ZNF33A: variants seen among roughly 807,000 people sequenced by gnomAD.
ZNF33A encodes the protein zinc finger protein 33A, also known as brain my041 protein.
A neutral mutation model predicts 15.9 loss-of-function variants in ZNF33A; 9 were observed. The observed-to-expected ratio is 0.57, with a 90% CI of 0.34 to 0.99. The LOEUF (loss-of-function observed/expected upper bound fraction) is 0.99, where lower values mean the gene tolerates loss of function less well. Ranked by LOEUF, ZNF33A falls within the 50% of genes least tolerant of loss-of-function variation. The pLI, the probability that ZNF33A is intolerant of heterozygous loss-of-function variation, is 0.02. For synonymous variants in ZNF33A, 294 were observed against 324.2 expected, an observed-to-expected ratio of 0.91 and a Z score of 1.00; for missense variants, 843 against 941.6, an observed-to-expected ratio of 0.90 and a Z score of 1.37.
Position 38,057,716 on chromosome 10 carries a change from T to C in ZNF33A, c.*1156T>C. The C allele has an allele frequency of 1.0e-6, 1 of 985,474 alleles. No homozygotes were observed. The highest frequency in any genetic ancestry group is 1.7e-5 in the African/African-American group (1 of 57,372). The allele number at this position is 985,474 out of a possible 1,614,324, so 61.0% of individuals were successfully genotyped here. ...CCTTTCTCTTCCTACCTGTGGCTCA[T>C]GCCATGCCATGAAGTGCCTAGGGTA... On this transcript the variant is annotated 3_prime_UTR_variant, in exon 5 of 5. Transcript: ENST00000432900.
chr10:38,011,034 T>C (rs1159345634), intron 1 of ZNF33A, among the ~76,000 whole-genome samples: 1 of 152,036 alleles, frequency 6.6e-6, no homozygotes, highest in Non-Finnish European at 1.5e-5. Context: ...GCATGTGCGC[T>C]TGCGCAGTCC....
At chr10:38,031,592 A>G (rs975137439) in intron 4 of ZNF33A, among the ~76,000 whole-genome samples, 1 of 151,854 alleles carries the variant, frequency 6.6e-6, no homozygotes, top group Middle Eastern at 3.4e-3. Context: ...GAAAAGAAAA[A>G]AAAAAAAAGA....
At chr10:38,013,310 C>T (rs1392762836) in intron 2 of ZNF33A, among the ~76,000 whole-genome samples, 3 of 151,838 alleles carry the variant, frequency 2.0e-5, no homozygotes, top group Non-Finnish European at 2.9e-5. Context: ...GGGGTTTTAC[C>T]GTGTTGGCCA....
chr10:38,055,191 C>G lies in ZNF33A; in HGVS notation c.1067C>G (p.Pro356Arg). 6.2e-7 allele frequency: 1 copy of G among 1,614,064 alleles called. No individual in the cohort carries two copies. The highest frequency in any genetic ancestry group is 1.3e-5 in the African/African-American group (1 of 75,026). Reference protein sequence around the residue: ...RHQRVHTGQKPFQCNECEKAF... With the variant: ...RHQRVHTGQKRFQCNECEKAF... ...CAGAGGGTGCACACAGGACAGAAAC[C>G]CTTTCAATGTAATGAATGTGAAAAA... The change falls in exon 5 of 5, where the codon CCC becomes CGC. Residue 356 changes from proline to arginine, a missense_variant. Coordinates refer to ENST00000432900, the MANE Select transcript of ZNF33A (RefSeq NM_006954.2).
chr10:38,022,297 A>G (rs1258923768), intron 4 of ZNF33A, among the ~76,000 whole-genome samples: 1 of 152,182 alleles, frequency 6.6e-6, no homozygotes, highest in Non-Finnish European at 1.5e-5. Context: ...GAAACAGGGA[A>G]TATCACTCCA....
In ZNF33A at chr10:38,012,321, T is replaced by C. The variant is rs2064221798; in HGVS notation, c.-21T>C. 1 of 1,613,330 alleles carries C rather than the reference T, an allele frequency of 6.2e-7. No homozygotes were observed. The highest frequency in any genetic ancestry group is 1.1e-5 in the South Asian group (1 of 90,888). On this transcript the variant is annotated 5_prime_UTR_variant, in exon 2 of 5. Transcript: ENST00000432900. The stretch of plus-strand genomic sequence containing the variant: ...AGCTGTATCTTCAGAGTTGTCTCCG[T>C]CTTTCCAAGAACAGAACAAAATGAA...
intron 4 of ZNF33A, among the ~76,000 whole-genome samples, chr10:38,050,708 C>T (rs2066164027): frequency 6.6e-6 from 1 of 152,174 alleles, no homozygotes; most frequent in Non-Finnish European, 1.5e-5. Flanking sequence ...CCAGAGAGGA[C>T]CCACAGTGTG....
intron 4 of ZNF33A, among the ~76,000 whole-genome samples, chr10:38,030,582 T>A (rs1459767118): frequency 6.6e-6 from 1 of 151,902 alleles, no homozygotes; most frequent in Non-Finnish European, 1.5e-5. Flanking sequence ...ATATTAAGAG[T>A]GTAAAAAGGA....
intron 4 of ZNF33A, among the ~76,000 whole-genome samples, chr10:38,036,138 G>A (rs1444741887): frequency 2.6e-5 from 4 of 152,212 alleles, no homozygotes; most frequent in Non-Finnish European, 5.9e-5. Context: ...GCTGGTCAGA[G>A]TTTGGAAATC....
downstream of ZNF33A, among the ~76,000 whole-genome samples, chr10:38,062,892 A>C (rs985456854): frequency 6.7e-6 from 1 of 150,180 alleles, no homozygotes; most frequent in Non-Finnish European, 1.5e-5. Flanking sequence ...AGTCCCAGCT[A>C]CTTGGGAGAC....
intron 4 of ZNF33A, among the ~76,000 whole-genome samples, chr10:38,046,262 G>A (rs1415512178): frequency 1.3e-5 from 2 of 152,084 alleles, no homozygotes; most frequent in Non-Finnish European, 2.9e-5. Context: ...AGTACTAATC[G>A]GCTCATGTAT....
At chr10:38,052,475 A>AC (rs1305517736) in intron 4 of ZNF33A, among the ~76,000 whole-genome samples, 1 of 152,084 alleles carries the variant, frequency 6.6e-6, no homozygotes, top group African/African-American at 2.4e-5. Context: ...AACAAGTGGA[A>AC]CTCCCTGCTT....
At chr10:38,045,206 CTG>C (rs1310371716) in intron 4 of ZNF33A, among the ~76,000 whole-genome samples, 1 of 152,210 alleles carries the variant, frequency 6.6e-6, no homozygotes, top group African/African-American at 2.4e-5. Flanking sequence ...GGTGACTTGA[CTG>C]TACTATTTGA....
At chr10:38,016,216 ACT>A (rs1227430355) in intron 2 of ZNF33A, among the ~76,000 whole-genome samples, 1 of 152,264 alleles carries the variant, frequency 6.6e-6, no homozygotes, top group African/African-American at 2.4e-5. Flanking sequence ...TAATGAATGT[ACT>A]GACAATTTAT....
At chr10:38,050,742 C>T (rs931273638) in intron 4 of ZNF33A, among the ~76,000 whole-genome samples, 52 of 152,342 alleles carry the variant, frequency 3.4e-4, no homozygotes, top group African/African-American at 1.2e-3. Context: ...TGTCTCTCCC[C>T]TGAGCCTGTC....
Position 38,054,941 on chromosome 10 carries a change from A to G in ZNF33A, c.817A>G (p.Asn273Asp). ...CCATCAGATATCTCCGTCAAGGGAC[A>G]ATCACTATGAATTTAGTGATTGTGA... Reference protein sequence around the residue: ...LFHQISPSRDNHYEFSDCEKF... With the variant: ...LFHQISPSRDDHYEFSDCEKF... The change falls in exon 5 of 5, where the codon AAT becomes GAT. Residue 273 changes from asparagine to aspartate, a missense_variant. Physicochemically the swap from Asn to Asp is conservative, Grantham distance 23 (BLOSUM62 1). Coordinates refer to ENST00000432900, the MANE Select transcript of ZNF33A (RefSeq NM_006954.2). 1 of 1,614,048 alleles carries G rather than the reference A, an allele frequency of 6.2e-7. No individual in the cohort carries two copies.
intron 4 of ZNF33A, among the ~76,000 whole-genome samples, chr10:38,036,480 A>G (rs895598737): frequency 2.4e-4 from 36 of 152,276 alleles, no homozygotes; most frequent in East Asian, 9.6e-4. Context: ...CGCCACATCA[A>G]CAGCCTGCAG....
chr10:38,061,513 A>T (rs911643142), downstream of ZNF33A, among the ~76,000 whole-genome samples: 4 of 152,182 alleles, frequency 2.6e-5, no homozygotes, highest in Admixed American at 2.0e-4. Context: ...CCAACATGCC[A>T]CAGGGTCAAC....
downstream of ZNF33A, among the ~76,000 whole-genome samples, chr10:38,065,307 G>A (rs189007981): frequency 2.0e-5 from 3 of 152,178 alleles, no homozygotes; most frequent in East Asian, 5.8e-4. Context: ...CCTGACCTTG[G>A]ATGATCACCC....
Sources: allele counts gnomAD v4.1 joint callset (sites outside exome capture counted in the v4.1 genomes callset), GRCh38; gene constraint gnomAD v4.1.1; transcripts MANE v1.5; gene names NCBI Gene and HGNC (gene_info 2026-07-23, HGNC 2026-07-21).